DLG2: variants seen among roughly 807,000 people sequenced by gnomAD.
DLG2 encodes discs large MAGUK scaffold protein 2.
In DLG2, 45 loss-of-function variants were observed where a neutral mutation model predicts 132.5. The observed-to-expected ratio is 0.34, with a 90% CI of 0.27 to 0.44. The LOEUF is 0.44. Ranked by LOEUF, DLG2 falls within the 20% of genes least tolerant of loss-of-function variation. The pLI is 1.00. For synonymous variants in DLG2, 424 were observed against 419.6 expected (o/e 1.01, Z -0.13); for missense variants, 1,045 against 1,196.9 (o/e 0.87, Z 1.87).
chr11:85,097,579 G>A (rs570050034), intron 6 of DLG2, among the ~76,000 whole-genome samples: 2 of 152,256 alleles, frequency 1.3e-5, no homozygotes, highest in South Asian at 4.1e-4. Context: ...AACTAGCTAT[G>A]GGCAACAGAA....
chr11:84,889,270 A>G (rs2088896544), intron 6 of DLG2, among the ~76,000 whole-genome samples: 1 of 152,194 alleles, frequency 6.6e-6, no homozygotes, highest in African/African-American at 2.4e-5. Flanking sequence ...GCGCTAGGTA[A>G]TAGCAAATAG....
intron 18 of DLG2, chr11:83,651,647 G>A: frequency 3.6e-6 from 1 of 277,568 alleles, no homozygotes; most frequent in South Asian, 3.7e-5. Context: ...AGGAGTTGGA[G>A]GAGGAGGAAG....
intron 16 of DLG2, among the ~76,000 whole-genome samples, chr11:83,846,591 C>A (rs534418052): frequency 2.6e-5 from 4 of 152,262 alleles, no homozygotes; most frequent in Admixed American, 1.3e-4. Context: ...CTGCTAAGAT[C>A]TGTCTGAGTT....
In DLG2 at chr11:85,343,650, G is replaced by A. The variant is rs375831626; in HGVS notation, c.41-58285C>T. Among the ~76,000 whole-genome samples, 45 of 151,766 alleles carry A rather than the reference G, an allele frequency of 3.0e-4. 2 individuals are homozygous for A. In the South Asian group the frequency reaches 6.4e-3, roughly 22 times the overall value. Reference sequence around the variant, plus strand: ...CTCTCTCTCACACACACACACGCGCGTACACGCACATACATACACACACAC... The same window carrying A: ...CTCTCTCTCACACACACACACGCGCATACACGCACATACATACACACACAC... On this transcript the variant is annotated intron_variant, in intron 3 of 27. Coordinates refer to ENST00000376104, the MANE Select transcript of DLG2 (RefSeq NM_001142699.3).
chr11:84,624,909 G>A (rs2099619898), intron 6 of DLG2, among the ~76,000 whole-genome samples: 1 of 119,192 alleles, frequency 8.4e-6, no homozygotes, highest in Admixed American at 9.0e-5. Flanking sequence ...CCAGGCTGGA[G>A]TGCAGTGGCG....
At chr11:83,584,505 T>C (rs566578227) in intron 19 of DLG2, among the ~76,000 whole-genome samples, 1 of 152,204 alleles carries the variant, frequency 6.6e-6, no homozygotes, top group Non-Finnish European at 1.5e-5. Context: ...AATCAGGTCA[T>C]GTACTGGAAT....
At chr11:84,001,914 A>G (rs2094365579) in intron 11 of DLG2, among the ~76,000 whole-genome samples, 1 of 152,182 alleles carries the variant, frequency 6.6e-6, no homozygotes, top group African/African-American at 2.4e-5. Flanking sequence ...AAAATACAAC[A>G]TACCAAAATC....
chr11:83,944,552 G>A (rs1444558584), intron 14 of DLG2, among the ~76,000 whole-genome samples: 3 of 152,168 alleles, frequency 2.0e-5, no homozygotes, highest in African/African-American at 4.8e-5. Context: ...GCTGTTAAGT[G>A]AACTACTGGA....
intron 6 of DLG2, among the ~76,000 whole-genome samples, chr11:84,876,954 C>A (rs1301836136): frequency 1.3e-5 from 2 of 152,172 alleles, no homozygotes. Flanking sequence ...AGCAGTCATT[C>A]AGGAGCAGGT....
At chr11:85,174,808 A>G (rs2152500097) in intron 4 of DLG2, among the ~76,000 whole-genome samples, 1 of 152,282 alleles carries the variant, frequency 6.6e-6, no homozygotes, top group East Asian at 1.9e-4. Context: ...ATAGAAATAC[A>G]AACAACCAAG....
chr11:84,638,072 T>A (rs1237507628), intron 6 of DLG2, among the ~76,000 whole-genome samples: 1 of 152,250 alleles, frequency 6.6e-6, no homozygotes, highest in Non-Finnish European at 1.5e-5. Context: ...CATCTTTGAT[T>A]TAGCAGTTCC....
chr11:84,123,948 A>G (rs922918329), intron 9 of DLG2, among the ~76,000 whole-genome samples: 2 of 152,198 alleles, frequency 1.3e-5, no homozygotes, highest in Non-Finnish European at 2.9e-5. Flanking sequence ...TAAGCAAGAA[A>G]TTGTCAACAT....
intron 3 of DLG2, among the ~76,000 whole-genome samples, chr11:85,548,916 C>T (rs889841395): frequency 1.3e-5 from 2 of 152,164 alleles, no homozygotes; most frequent in African/African-American, 4.8e-5. Context: ...TGGATCTTAG[C>T]TTGCTGGGCT....
intron 6 of DLG2, among the ~76,000 whole-genome samples, chr11:84,672,144 G>T (rs970534041): frequency 3.9e-5 from 6 of 152,094 alleles, no homozygotes; most frequent in African/African-American, 1.4e-4. Context: ...TAAACTCATG[G>T]AAACATAACT....
In DLG2 at chr11:85,195,691, T is replaced by A. The variant is rs988527321; in HGVS notation, c.187-41040A>T. On this transcript the variant is annotated intron_variant, in intron 4 of 27. Transcript: ENST00000376104. The stretch of plus-strand genomic sequence containing the variant: ...GGCGCCCACCATCACGCCCAGCTAA[T>A]TTTTTTTTGTATTTTTAGTAGAGAC... Among the ~76,000 whole-genome samples the A allele has an allele frequency of 3.4e-5, 5 of 146,456 alleles. No individual in the cohort carries two copies. The East Asian group carries it at 9.8e-4, about 29-fold the overall frequency.
At chr11:83,662,850 T>C (rs983476814) in intron 18 of DLG2, among the ~76,000 whole-genome samples, 4 of 152,312 alleles carry the variant, frequency 2.6e-5, no homozygotes, top group South Asian at 4.1e-4. Context: ...AGTAGCAGAC[T>C]GGCACAGGAT....
intron 3 of DLG2, among the ~76,000 whole-genome samples, chr11:85,582,764 C>CTT (rs1005057386): frequency 7.8e-6 from 1 of 127,486 alleles, no homozygotes; most frequent in Non-Finnish European, 1.6e-5. Flanking sequence ...TTTTGAATAA[C>CTT]TTTTTTTTCA....
chr11:85,443,381 T>C (rs953502383), intron 3 of DLG2, among the ~76,000 whole-genome samples: 17 of 152,248 alleles, frequency 1.1e-4, no homozygotes, highest in Admixed American at 3.3e-4. Flanking sequence ...GTGGGTAATC[T>C]AGCTGTGTAA....
intron 3 of DLG2, among the ~76,000 whole-genome samples, chr11:85,436,048 A>T (rs2091462325): frequency 6.6e-6 from 1 of 152,208 alleles, no homozygotes; most frequent in Non-Finnish European, 1.5e-5. Flanking sequence ...CCTAAAAAAA[A>T]CAAAAAATGA....
Sources: gnomAD v4.1 joint callset for allele counts (sites outside exome capture counted in the v4.1 genomes callset) on GRCh38, gnomAD v4.1.1 for gene constraint, MANE v1.5 for transcripts, NCBI Gene and HGNC (gene_info 2026-07-23, HGNC 2026-07-21) for gene names.